The following WWOX variants were observed in gnomAD, a reference collection of about 807,000 sequenced individuals.
WWOX encodes WW domain-containing oxidoreductase.
Under a neutral mutation model 46.2 loss-of-function variants are expected in WWOX, and 69 were observed. The ratio of observed to expected loss-of-function variants is 1.49; its 90% CI spans 1.23 to 1.82. WWOX has a LOEUF of 1.82. WWOX is among the 40% of genes most tolerant of loss of function. The pLI is 0.00. For missense variants in WWOX, 919 were observed against 542.6 expected (o/e 1.69, Z -6.89); for synonymous variants, 359 against 202.6 (o/e 1.77, Z -6.56).
chr16:78,885,442 C>G (rs1232573377), intron 8 of WWOX, among the ~76,000 whole-genome samples: 2 of 152,172 alleles, frequency 1.3e-5, no homozygotes, highest in East Asian at 1.9e-4. Context: ...TTCACTCTGT[C>G]TAAACATCTT....
intron 8 of WWOX, among the ~76,000 whole-genome samples, chr16:78,694,122 C>T (rs1228727399): frequency 1.3e-5 from 2 of 152,084 alleles, no homozygotes; most frequent in South Asian, 2.1e-4. Flanking sequence ...ATCCCAGCTA[C>T]TCTGTAGGCT....
At chr16:78,781,433 C>T (rs2050321598) in intron 8 of WWOX, among the ~76,000 whole-genome samples, 1 of 152,204 alleles carries the variant, frequency 6.6e-6, no homozygotes, top group Non-Finnish European at 1.5e-5. Context: ...CCTCTACCAT[C>T]CTCACCAGGA....
At chr16:78,287,637 C>G (rs1216009493) in intron 5 of WWOX, among the ~76,000 whole-genome samples, 2 of 152,004 alleles carry the variant, frequency 1.3e-5, no homozygotes, top group East Asian at 3.9e-4. Flanking sequence ...GATGGCTTAA[C>G]AAGGGACTGG....
chr16:79,073,378 C>T (rs1464680806), intron 8 of WWOX, among the ~76,000 whole-genome samples: 1 of 152,004 alleles, frequency 6.6e-6, no homozygotes, highest in Non-Finnish European at 1.5e-5. Flanking sequence ...CAGGGTTTCA[C>T]CATGTTGGCC....
intron 8 of WWOX, among the ~76,000 whole-genome samples, chr16:78,870,727 A>G (rs2044109182): frequency 6.6e-6 from 1 of 152,092 alleles, no homozygotes; most frequent in African/African-American, 2.4e-5. Flanking sequence ...TCAGTCTCCC[A>G]AGTAGCTGGG....
chr16:78,511,265 ATGTC>A (rs2085353460), intron 8 of WWOX, among the ~76,000 whole-genome samples: 1 of 152,180 alleles, frequency 6.6e-6, no homozygotes, highest in Non-Finnish European at 1.5e-5. Flanking sequence ...ATTAGTCACC[ATGTC>A]TTTTCCCTTC....
intron 8 of WWOX, among the ~76,000 whole-genome samples, chr16:79,037,222 A>G (rs761093125): frequency 6.6e-6 from 1 of 152,106 alleles, no homozygotes; most frequent in African/African-American, 2.4e-5. Context: ...ACAGTAATTC[A>G]TTTGTTCGTT....
At chr16:78,989,097 T>C (rs1234441795) in intron 8 of WWOX, among the ~76,000 whole-genome samples, 1 of 152,124 alleles carries the variant, frequency 6.6e-6, no homozygotes, top group South Asian at 2.1e-4. Flanking sequence ...TGATCCCTTT[T>C]TGGAGTCCTT....
intron 5 of WWOX, among the ~76,000 whole-genome samples, chr16:78,363,759 C>T (rs1294895376): frequency 6.6e-6 from 1 of 152,160 alleles, no homozygotes; most frequent in East Asian, 1.9e-4. Flanking sequence ...TAGATGTTAG[C>T]AACATCATGA....
chr16:79,174,976 T>C (rs539774310), intron 8 of WWOX, among the ~76,000 whole-genome samples: 3 of 152,312 alleles, frequency 2.0e-5, no homozygotes, highest in South Asian at 2.1e-4. Flanking sequence ...ATGTGTCTTA[T>C]ATCAACATGC....
rs1240456560 is a variant in WWOX, at chr16:78,497,114, A to G, written c.1056+64362A>G. The stretch of plus-strand genomic sequence containing the variant: ...TATGCCTTTTGCTTTGGCATAAAAC[A>G]ACAGATGACCTTCTGTTAGGTGTAT... On this transcript the variant is annotated intron_variant, in intron 8 of 8. Transcript: ENST00000566780. Among the ~76,000 whole-genome samples the G allele has an allele frequency of 7.2e-5, 11 of 152,368 alleles. No homozygotes were observed. In the South Asian group the frequency reaches 2.3e-3, roughly 32 times the overall value.
At chr16:78,587,539 G>C (rs1365159336) in intron 8 of WWOX, among the ~76,000 whole-genome samples, 1 of 152,014 alleles carries the variant, frequency 6.6e-6, no homozygotes, top group Admixed American at 6.6e-5. Context: ...CGATCACTTG[G>C]TGTCCTGAGA....
intron 8 of WWOX, among the ~76,000 whole-genome samples, chr16:78,460,629 C>G (rs1446506834): frequency 1.3e-5 from 2 of 152,192 alleles, no homozygotes; most frequent in Non-Finnish European, 2.9e-5. Flanking sequence ...AGAGGGAGAA[C>G]TGATGTGGCC....
At position 78,424,999 on chromosome 16, in the gene WWOX, T is replaced by G. The variant is rs1209175040; in HGVS notation, c.735T>G (p.Asp245Glu). The change falls in exon 7 of 9, where the codon GAT (aspartate) becomes GAG (glutamate). Residue 245 changes from aspartate to glutamate, a missense_variant. Coordinates refer to ENST00000566780, the MANE Select transcript of WWOX (RefSeq NM_016373.4). ...GHFYLVQLLQ[D>E]VLCRSAPARV... Reference sequence around the variant, plus strand: ...TCTACCTTGTCCAGCTCCTCCAGGATGTTTTGTGCCGCTCAGCTCCTGCCC... The same window carrying G: ...TCTACCTTGTCCAGCTCCTCCAGGAGGTTTTGTGCCGCTCAGCTCCTGCCC... 6.2e-7 allele frequency: 1 copy of G among 1,614,152 alleles called. No individual in the cohort carries two copies. Among genetic ancestry groups the G allele is most frequent in the South Asian group, 1.1e-5 (1 of 91,074 alleles).
At chr16:79,062,303 G>A (rs1460515994) in intron 8 of WWOX, among the ~76,000 whole-genome samples, 3 of 152,172 alleles carry the variant, frequency 2.0e-5, no homozygotes, top group Non-Finnish European at 2.9e-5. Flanking sequence ...CTTCTGGCAT[G>A]TGCTTTGAAC....
intron 8 of WWOX, among the ~76,000 whole-genome samples, chr16:78,501,973 G>C (rs558873573): frequency 1.3e-5 from 2 of 152,230 alleles, no homozygotes; most frequent in South Asian, 4.2e-4. Flanking sequence ...TAACGTAGAA[G>C]GTTTCTGGGG....
intron 8 of WWOX, among the ~76,000 whole-genome samples, chr16:78,831,210 G>A (rs371676102): frequency 7.0e-4 from 97 of 139,434 alleles, no homozygotes; most frequent in African/African-American, 2.6e-3. Context: ...TGTGACTTTC[G>A]AGGTCATGTT....
intron 8 of WWOX, among the ~76,000 whole-genome samples, chr16:78,520,488 C>A (rs2043324678): frequency 6.6e-6 from 1 of 152,064 alleles, no homozygotes; most frequent in South Asian, 2.1e-4. Flanking sequence ...AAGTAACTAG[C>A]CTGCTTTTAC....
chr16:78,710,273 C>G (rs879025864), intron 8 of WWOX, among the ~76,000 whole-genome samples: 1 of 151,444 alleles, frequency 6.6e-6, no homozygotes, highest in African/African-American at 2.4e-5. Context: ...TTACTTTCCA[C>G]ACACAGTTAA....
Sources: allele counts gnomAD v4.1 joint callset (sites outside exome capture counted in the v4.1 genomes callset), GRCh38; gene constraint gnomAD v4.1.1; transcripts MANE v1.5; gene names NCBI Gene and HGNC (gene_info 2026-07-23, HGNC 2026-07-21).